NUP35: variants seen among roughly 807,000 people sequenced by gnomAD.
The protein encoded by NUP35 is nucleoporin 35.
Under a neutral mutation model 41.5 loss-of-function variants are expected in NUP35, and 25 were observed. The observed-to-expected ratio is 0.60, with a 90% CI of 0.44 to 0.84. The LOEUF is 0.84. Ranked by LOEUF, NUP35 falls within the 40% of genes least tolerant of loss-of-function variation. NUP35 has a pLI of 0.00. For synonymous variants in NUP35, 149 were observed against 130.7 expected (o/e 1.14, Z -0.96); for missense variants, 396 against 396.6 (o/e 1.00, Z 0.01).
At chr2:183,128,967 A>G (rs1235303076) in intron 2 of NUP35, among the ~76,000 whole-genome samples, 9 of 152,214 alleles carry the variant, frequency 5.9e-5, no homozygotes, top group African/African-American at 1.9e-4. Flanking sequence ...ATATGACACA[A>G]TGCTAAGATG....
chr2:183,129,280 G>T (rs1435742361), intron 2 of NUP35, among the ~76,000 whole-genome samples: 1 of 152,102 alleles, frequency 6.6e-6, no homozygotes, highest in Admixed American at 6.5e-5. Context: ...AATGCAGCCT[G>T]TGTTTATTAC....
At chr2:183,157,967 G>C (rs1363807608) in intron 6 of NUP35, among the ~76,000 whole-genome samples, 1 of 152,058 alleles carries the variant, frequency 6.6e-6, no homozygotes. Context: ...GCTAGAGATT[G>C]ACTTAACTCC....
intron 3 of NUP35, among the ~76,000 whole-genome samples, chr2:183,132,704 C>T (rs191619404): frequency 6.6e-6 from 1 of 152,140 alleles, no homozygotes; most frequent in Non-Finnish European, 1.5e-5. Flanking sequence ...TTGAAAGACT[C>T]GTGGGTCATA....
At chr2:183,129,994 T>A (rs1335527134) in intron 2 of NUP35, among the ~76,000 whole-genome samples, 2 of 152,234 alleles carry the variant, frequency 1.3e-5, no homozygotes, top group Non-Finnish European at 2.9e-5. Context: ...TAGGGAATTG[T>A]ATTTATTCAG....
chr2:183,138,748 C>T (rs915577563), intron 4 of NUP35, among the ~76,000 whole-genome samples: 1 of 151,330 alleles, frequency 6.6e-6, no homozygotes, highest in Non-Finnish European at 1.5e-5. Context: ...TATATATTAG[C>T]TCTCTTCCAA....
chr2:183,125,671 C>CA (rs1416699459), intron 1 of NUP35, among the ~76,000 whole-genome samples: 1 of 151,418 alleles, frequency 6.6e-6, no homozygotes, highest in Admixed American at 6.6e-5. Context: ...TTCTATTCAA[C>CA]AAAAACATTT....
At chr2:183,130,038 T>G (rs891848729) in intron 2 of NUP35, among the ~76,000 whole-genome samples, 2 of 152,248 alleles carry the variant, frequency 1.3e-5, no homozygotes, top group African/African-American at 4.8e-5. Context: ...AGTACCTACT[T>G]TCAAGTGAGA....
At chr2:183,140,060 A>G (rs1218505700) in intron 4 of NUP35, among the ~76,000 whole-genome samples, 1 of 152,230 alleles carries the variant, frequency 6.6e-6, no homozygotes, top group Non-Finnish European at 1.5e-5. Context: ...TCCTTATTCT[A>G]GACTATGTAG....
At chr2:183,153,488 T>G (rs887622613) in intron 5 of NUP35, among the ~76,000 whole-genome samples, 2 of 152,182 alleles carry the variant, frequency 1.3e-5, no homozygotes, top group Middle Eastern at 3.4e-3. Flanking sequence ...ATGGGAGAAA[T>G]TGGCCAAAAC....
At position 183,128,305 on chromosome 2, in the gene NUP35, T is replaced by G. The variant is rs758300552; in HGVS notation, c.59T>G (p.Leu20Arg). The G allele has an allele frequency of 1.2e-6, 2 of 1,612,806 alleles. No homozygotes were observed. Residue 20 changes from leucine to arginine, a missense_variant, in exon 2 of 9, where the codon CTG (leucine) becomes CGG (arginine). Physicochemically the swap from Leu to Arg is moderately radical, Grantham distance 102. Coordinates refer to ENST00000295119, the MANE Select transcript of NUP35 (RefSeq NM_138285.5). ...CATGTAGGATCTGAACCAATGATGC[T>G]GGGTTCACCCACATCTCCAAAGCCA... ...GPALGSEPMM[L>R]GSPTSPKPGV...
intron 4 of NUP35, among the ~76,000 whole-genome samples, chr2:183,142,683 T>A (rs959047231): frequency 1.4e-4 from 21 of 151,936 alleles, no homozygotes; most frequent in African/African-American, 5.1e-4. Context: ...TTTCACCATG[T>A]TGGCCAGGCT....
chr2:183,158,768 T>A (rs1053781097), intron 7 of NUP35, among the ~76,000 whole-genome samples: 4 of 152,170 alleles, frequency 2.6e-5, no homozygotes, highest in African/African-American at 7.2e-5. Flanking sequence ...TTAAATGGAA[T>A]GGTACTATTT....
In NUP35 at chr2:183,159,443, T is replaced by C. The variant is rs751480248; in HGVS notation, c.739-45T>C. The C allele has an allele frequency of 4.2e-6, 6 of 1,429,130 alleles. No individual in the cohort carries two copies. The South Asian group carries it at 5.1e-5, about 12-fold the overall frequency. The allele number at this position is 1,429,130 out of a possible 1,614,324, so 88.5% of individuals were successfully genotyped here. On this transcript the variant is annotated intron_variant, in intron 7 of 8. Coordinates refer to ENST00000295119, the MANE Select transcript of NUP35 (RefSeq NM_138285.5). Reference sequence around the variant, plus strand: ...AAGTAGGATGTAATACTGGATGATATGTATTATGTTTATAAACAAAGGAGT... The same window carrying C: ...AAGTAGGATGTAATACTGGATGATACGTATTATGTTTATAAACAAAGGAGT...
intron 3 of NUP35, among the ~76,000 whole-genome samples, chr2:183,133,323 CTTTTT>C (rs33994337): frequency 1.4e-5 from 2 of 141,878 alleles, no homozygotes; most frequent in Admixed American, 7.3e-5. Context: ...AGAAGATAGT[CTTTTT>C]TTTTTTTTTT....
At chr2:183,123,894 T>G (rs1363335018), upstream of NUP35, 1 of 830,892 alleles carries the variant, frequency 1.2e-6, no homozygotes, top group African/African-American at 1.8e-5. Flanking sequence ...TTTTTGTATG[T>G]TTTAATATGC....
intron 4 of NUP35, among the ~76,000 whole-genome samples, chr2:183,136,425 G>C (rs1221985441): frequency 6.6e-6 from 1 of 152,198 alleles, no homozygotes. Flanking sequence ...GTTGTTGGCA[G>C]AATTTAGTTC....
At chr2:183,133,835 ACTT>A (rs1394761616) in intron 4 of NUP35, among the ~76,000 whole-genome samples, 3 of 152,084 alleles carry the variant, frequency 2.0e-5, no homozygotes, top group Non-Finnish European at 4.4e-5. Context: ...AAAATCTATA[ACTT>A]CTTTCAGGAA....
intron 4 of NUP35, among the ~76,000 whole-genome samples, chr2:183,148,890 C>T (rs2675090): frequency 0.51 from 77,263 of 152,004 alleles, 20,976 homozygotes; most frequent in East Asian, 0.76. Context: ...GAACTCCTAA[C>T]TTGGCCTCCC....
At chr2:183,128,163 C>T in intron 1 of NUP35, 124 bp from the exon 2 acceptor site, 2 of 532,898 alleles carry the variant, frequency 3.8e-6, no homozygotes, top group East Asian at 3.3e-5. Flanking sequence ...AACTATGGTT[C>T]TATTATATCT....
Sources: allele counts gnomAD v4.1 joint callset (sites outside exome capture counted in the v4.1 genomes callset), GRCh38; gene constraint gnomAD v4.1.1; transcripts MANE v1.5; gene names NCBI Gene and HGNC (gene_info 2026-07-23, HGNC 2026-07-21).